The following HIBCH variants were observed in gnomAD, a reference collection of about 807,000 sequenced individuals.
The protein encoded by HIBCH is 3-hydroxyisobutyryl-CoA hydrolase.
In HIBCH, 50 loss-of-function variants were observed where a neutral mutation model predicts 58.2. The observed-to-expected ratio is 0.86, with a 90% CI of 0.68 to 1.09. The LOEUF is 1.09. HIBCH is among the 50% of genes least tolerant of loss of function. The probability of loss-of-function intolerance (pLI) is 0.00; values close to 1 mark genes in which losing one functional copy is unlikely to be tolerated. For missense variants in HIBCH, 450 were observed against 449.7 expected (o/e 1.00, Z -0.01); for synonymous variants, 151 against 146.9 (o/e 1.03, Z -0.20).
At chr2:190,277,149 A>T (rs906824952) in intron 6 of HIBCH, among the ~76,000 whole-genome samples, 2 of 152,166 alleles carry the variant, frequency 1.3e-5, no homozygotes, top group Admixed American at 1.3e-4. Flanking sequence ...ATCTATTCAT[A>T]AAAAAATTGT....
rs1029148773 is a variant in HIBCH at position 190,206,835 on chromosome 2, A to T, written c.1046-1603T>A. ...GCAATATACTTTCTCTTCATTAAAA[A>T]GTAGCATAGGCCAGGCGCGGTGGCT... On this transcript the variant is annotated intron_variant, in intron 13 of 13. Transcript: ENST00000359678. This position sits in a 1 kb window ranked among gnomAD's most constrained non-coding sequence, Gnocchi z 5.1. Among the ~76,000 whole-genome samples the T allele has an allele frequency of 6.6e-6, 1 of 152,238 alleles. No homozygotes were observed. The highest frequency in any genetic ancestry group is 2.4e-5 in the African/African-American group (1 of 41,464).
At position 190,319,771 on chromosome 2, in the gene HIBCH, A is replaced by T. The variant is rs1688800991; in HGVS notation, c.-21T>A. The T allele has an allele frequency of 6.2e-7, 1 of 1,608,952 alleles. No individual in the cohort carries two copies. The highest frequency in any genetic ancestry group is 1.3e-5 in the African/African-American group (1 of 74,862). ...CCCATCGCCAAACACTCCGAAGCTA[A>T]AGCAGCAGAGCGAGAATCTCCCGGA... is the stretch of plus-strand genomic sequence containing the variant. On this transcript the variant is annotated 5_prime_UTR_variant, in exon 1 of 14. Coordinates refer to ENST00000359678, the MANE Select transcript of HIBCH (RefSeq NM_014362.4).
At chr2:190,199,844 A>G, downstream of HIBCH, 1 of 1,609,660 alleles carries the variant, frequency 6.2e-7, no homozygotes, top group South Asian at 1.1e-5. Context: ...CTTCCTCCAC[A>G]AACAGCTCTT....
rs1246144872 is a variant in HIBCH at position 190,209,604 on chromosome 2, A to G, written c.1012-691T>C. On this transcript the variant is annotated intron_variant, in intron 12 of 13. Transcript: ENST00000359678. The surrounding 1 kb of genome is among the most constrained non-coding windows in gnomAD (Gnocchi z 5.6). ...TATGAAGTCTTGTCTTCTCACCACT[A>G]AAACACCTGCAGGCAACTGTGGCCA... Among the ~76,000 whole-genome samples, 1 of 152,166 alleles carries G rather than the reference A, an allele frequency of 6.6e-6. No homozygotes were observed. The highest frequency in any genetic ancestry group is 6.5e-5 in the Admixed American group (1 of 15,276).
intron 11 of HIBCH, among the ~76,000 whole-genome samples, chr2:190,229,460 A>T (rs1686024537): frequency 6.6e-6 from 1 of 152,202 alleles, no homozygotes; most frequent in Non-Finnish European, 1.5e-5. Flanking sequence ...CTGTGAGATA[A>T]ACTTTCTAAT....
intron 4 of HIBCH, among the ~76,000 whole-genome samples, chr2:190,292,562 C>T (rs1472227744): frequency 1.3e-5 from 2 of 152,192 alleles, no homozygotes; most frequent in African/African-American, 2.4e-5. Context: ...CCTCCCACCT[C>T]GGCCTCCCAA....
intron 6 of HIBCH, among the ~76,000 whole-genome samples, chr2:190,276,794 C>T (rs958724731): frequency 2.6e-5 from 4 of 152,124 alleles, no homozygotes; most frequent in Admixed American, 6.6e-5. Context: ...CAGACTAACA[C>T]ACCAGTCTTT....
At chr2:190,263,684 G>A (rs1006961330) in intron 6 of HIBCH, among the ~76,000 whole-genome samples, 1 of 152,090 alleles carries the variant, frequency 6.6e-6, no homozygotes, top group Non-Finnish European at 1.5e-5. Context: ...CACATCAAAA[G>A]TAAATCTCTT....
rs1171211246 is a variant in HIBCH at position 190,246,078 on chromosome 2, T to C, written c.809+76A>G. 4 of 832,704 alleles carry C rather than the reference T, an allele frequency of 4.8e-6. 1 individual carries two copies. Among genetic ancestry groups the C allele is most frequent in the East Asian group, 5.2e-5 (2 of 38,774 alleles). 51.6% of individuals were successfully genotyped at this position (832,704 alleles called of 1,614,324 possible). A position where few individuals can be genotyped will look rare whatever the true frequency, so the allele number is the denominator to read the frequency against. On this transcript the variant is annotated intron_variant, in intron 10 of 13. Transcript: ENST00000359678. ...ATCAAACACAATGTAATTAAAATGG[T>C]AATTATAATGTTAGCAAATTCATTT...
chr2:190,239,564 CATG>C (rs1197417874), intron 11 of HIBCH, among the ~76,000 whole-genome samples: 3 of 151,852 alleles, frequency 2.0e-5, no homozygotes, highest in South Asian at 2.1e-4. Flanking sequence ...TGGCCATTTT[CATG>C]ATATTGATTC....
chr2:190,299,410 G>C (rs563341143), intron 2 of HIBCH, among the ~76,000 whole-genome samples: 18 of 152,162 alleles, frequency 1.2e-4, no homozygotes, highest in African/African-American at 4.3e-4. Flanking sequence ...AATTTCATTT[G>C]AATTTCTCAG....
intron 11 of HIBCH, chr2:190,213,633 T>G (rs985420263): frequency 6.3e-6 from 1 of 157,742 alleles, no homozygotes; most frequent in Non-Finnish European, 1.4e-5. Context: ...TAGCTCACTT[T>G]GTCTGTTCTT....
chr2:190,246,092 G>T, intron 10 of HIBCH, 62 bp downstream of exon 10: 1 of 947,634 alleles, frequency 1.1e-6, no homozygotes, highest in Non-Finnish European at 1.7e-6. Context: ...TATAATGTTA[G>T]CAAATTCATT....
chr2:190,228,701 G>T (rs372002013), intron 11 of HIBCH, among the ~76,000 whole-genome samples: 3 of 152,198 alleles, frequency 2.0e-5, no homozygotes, highest in South Asian at 2.1e-4. Flanking sequence ...TGGAACACTG[G>T]TAAGTGGCTC....
At chr2:190,319,566 G>A in intron 1 of HIBCH, 150 bp downstream of exon 1, 1 of 703,780 alleles carries the variant, frequency 1.4e-6, no homozygotes, top group East Asian at 2.7e-5. Context: ...GGGGGCTGGG[G>A]CTTGGGGAGG....
intron 6 of HIBCH, among the ~76,000 whole-genome samples, chr2:190,262,173 A>AAAAG (rs1553501954): frequency 3.3e-5 from 5 of 150,910 alleles, no homozygotes; most frequent in South Asian, 2.1e-4. Context: ...CAAAAAAAAA[A>AAAAG]AAAAGAAAAG....
Position 190,208,909 on chromosome 2 carries a change from C to A in HIBCH, c.1016G>T (p.Gly339Val). Reference sequence around the variant, plus strand: ...TCTAACGCCTTCATGAAAGTCATGACCTCTCTGAAAGAAAATTGAGATTAA... The same window carrying A: ...TCTAACGCCTTCATGAAAGTCATGAACTCTCTGAAAGAAAATTGAGATTAA... The part of the protein sequence containing the change: ...EYRLSQACMR[G>V]HDFHEGVRAV... The change falls in exon 13 of 14, where the codon GGT becomes GTT. Residue 339 changes from glycine (G) to valine (V), a missense_variant. Gly to Val is a moderately radical substitution (Grantham distance 109). Coordinates refer to ENST00000359678, the MANE Select transcript of HIBCH (RefSeq NM_014362.4). 1 of 1,613,392 alleles carries A rather than the reference C, an allele frequency of 6.2e-7. No individual in the cohort carries two copies. Among genetic ancestry groups the A allele is most frequent in the Non-Finnish European group, 8.5e-7 (1 of 1,179,540 alleles).
chr2:190,238,716 G>GC (rs1001608510), intron 11 of HIBCH, among the ~76,000 whole-genome samples: 2 of 152,196 alleles, frequency 1.3e-5, no homozygotes, highest in African/African-American at 4.8e-5. Context: ...GCCCTCTGTG[G>GC]CCCCCCAAAG....
chr2:190,290,559 T>C, intron 4 of HIBCH, 74 bp from the exon 5 acceptor site: 3 of 999,784 alleles, frequency 3.0e-6, no homozygotes, highest in East Asian at 2.5e-5. Flanking sequence ...AAAAGTATTA[T>C]GAAAATTAAA....
Sources: allele counts gnomAD v4.1 joint callset (sites outside exome capture counted in the v4.1 genomes callset), GRCh38; gene constraint gnomAD v4.1.1; non-coding constraint Gnocchi (gnomAD v3.1); transcripts MANE v1.5; gene names NCBI Gene and HGNC (gene_info 2026-07-23, HGNC 2026-07-21).